FYN: variants seen among roughly 807,000 people sequenced by gnomAD.
FYN encodes FYN proto-oncogene, Src family tyrosine kinase.
Under a neutral mutation model 70.2 loss-of-function variants are expected in FYN, and 10 were observed. That is an observed-to-expected ratio of 0.14 (90% CI 0.09 to 0.24). The LOEUF (loss-of-function observed/expected upper bound fraction) is 0.24. Ranked by LOEUF, FYN falls within the 10% of genes least tolerant of loss-of-function variation. The pLI is 1.00. For synonymous variants in FYN, 236 were observed against 248.6 expected (o/e 0.95, Z 0.48); for missense variants, 319 against 673.1 (o/e 0.47, Z 5.82).
chr6:111,724,902 C>A (rs1036648028), intron 3 of FYN, among the ~76,000 whole-genome samples: 4 of 152,048 alleles, frequency 2.6e-5, no homozygotes, highest in African/African-American at 9.7e-5. Context: ...AACTAAGAAC[C>A]TAGAAACCAA....
intron 2 of FYN, among the ~76,000 whole-genome samples, chr6:111,826,200 T>G (rs1249545968): frequency 6.6e-6 from 1 of 152,048 alleles, no homozygotes; most frequent in African/African-American, 2.4e-5. Context: ...GGTGTTTCAG[T>G]TTTTTCCCTT....
chr6:111,661,720 C>G lies in FYN; in HGVS notation c.*19G>C. 6.2e-7 allele frequency: 1 copy of G among 1,607,110 alleles called. No homozygotes were observed. Among genetic ancestry groups the G allele is most frequent in the Non-Finnish European group, 8.5e-7 (1 of 1,175,456 alleles). Reference sequence around the variant, plus strand: ...TGGGGCAGCCTCTGGGACAAGGCCTCTCTCCGCAGACCCGGGCCTTACAGG... The same window carrying G: ...TGGGGCAGCCTCTGGGACAAGGCCTGTCTCCGCAGACCCGGGCCTTACAGG... On this transcript the variant is annotated 3_prime_UTR_variant, in exon 14 of 14. Coordinates refer to ENST00000354650, the MANE Select transcript of FYN (RefSeq NM_002037.5). The surrounding 1 kb of genome is among the most constrained non-coding windows in gnomAD (Gnocchi z 4.0).
intron 2 of FYN, among the ~76,000 whole-genome samples, chr6:111,817,586 G>A (rs573139963): frequency 3.3e-5 from 5 of 152,256 alleles, no homozygotes; most frequent in African/African-American, 9.6e-5. Context: ...ACCCAGCCTT[G>A]TTAACTTTCT....
At chr6:111,681,054 G>T (rs1385874469) in intron 12 of FYN, among the ~76,000 whole-genome samples, 1 of 145,890 alleles carries the variant, frequency 6.9e-6, no homozygotes, top group Non-Finnish European at 1.5e-5. Flanking sequence ...TTTTGAGACA[G>T]TCTCACTCTG....
chr6:111,665,420 A>C (rs909471171), intron 13 of FYN, among the ~76,000 whole-genome samples: 1 of 151,882 alleles, frequency 6.6e-6, no homozygotes, highest in African/African-American at 2.4e-5. Context: ...TTCTTCTTAG[A>C]TGGTTTCATA....
intron 3 of FYN, 115 bp downstream of exon 3, chr6:111,780,451 C>T (rs1001932991): frequency 2.6e-5 from 4 of 152,530 alleles, no homozygotes; most frequent in African/African-American, 9.7e-5. Context: ...TATAGAACTC[C>T]ATTCTGCCTG....
At position 111,696,286 on chromosome 6, in the gene FYN, T is replaced by C. The variant is rs1326474009; in HGVS notation, c.1033A>G (p.Met345Val). 1 of 1,609,908 alleles carries C rather than the reference T, an allele frequency of 6.2e-7. No individual in the cohort carries two copies. Among genetic ancestry groups the C allele is most frequent in the Non-Finnish European group, 8.5e-7 (1 of 1,178,008 alleles). Residue 345 changes from methionine to valine, a missense_variant, in exon 10 of 14, where the codon ATG (methionine) becomes GTG (valine). Met to Val is a conservative substitution (Grantham distance 21). Transcript: ENST00000354650. Reference sequence around the variant, plus strand: ...AGAGGTGTTGCCCAACCTTTGTTCATATACTCGGTGACGATGTAGATGGGC... The same window carrying C: ...AGAGGTGTTGCCCAACCTTTGTTCACATACTCGGTGACGATGTAGATGGGC... Reference protein sequence around the residue: ...EEPIYIVTEYMNKGSLLDFLK... With the variant: ...EEPIYIVTEYVNKGSLLDFLK...
chr6:111,717,729 G>A (rs1281577201), intron 4 of FYN, among the ~76,000 whole-genome samples: 1 of 152,184 alleles, frequency 6.6e-6, no homozygotes, highest in Non-Finnish European at 1.5e-5. Flanking sequence ...CTTCCAAAGT[G>A]CTGGGATTAC....
intron 2 of FYN, among the ~76,000 whole-genome samples, chr6:111,811,334 A>C (rs1286442620): frequency 6.6e-6 from 1 of 152,228 alleles, no homozygotes; most frequent in Non-Finnish European, 1.5e-5. Flanking sequence ...AGATGCCATA[A>C]TGGGTAGTAG....
Position 111,700,266 on chromosome 6 carries a change from T to G in FYN, c.700A>C (p.Arg234=), listed in dbSNP as rs1009397054. ...AGGCGGCAGCAGAGACCTGCAGCTCTCTCTGATGGAGCAGGGCAGGGGCAG... is the reference window on the plus strand; with the variant it reads ...AGGCGGCAGCAGAGACCTGCAGCTCGCTCTGATGGAGCAGGGCAGGGGCAG... ...LQQLVQHYSE[R]AAGLCCRLVV... The change falls in exon 9 of 14, where the codon AGA becomes CGA. Residue 234 remains arginine, a splice_region_variant and synonymous_variant. Transcript: ENST00000354650. 2 of 1,613,996 alleles carry G rather than the reference T, an allele frequency of 1.2e-6. No individual in the cohort carries two copies. Among genetic ancestry groups the G allele is most frequent in the African/African-American group, 2.7e-5 (2 of 75,018 alleles).
At chr6:111,851,004 AGGTTAGAGAT>A (rs772194696) in intron 1 of FYN, among the ~76,000 whole-genome samples, 1 of 152,154 alleles carries the variant, frequency 6.6e-6, no homozygotes, top group Non-Finnish European at 1.5e-5. Flanking sequence ...CCTTCTCCCA[AGGTTAGAGAT>A]GGCAGCAACT....
chr6:111,786,686 G>A (rs1771401643), intron 2 of FYN, among the ~76,000 whole-genome samples: 1 of 152,178 alleles, frequency 6.6e-6, no homozygotes, highest in Non-Finnish European at 1.5e-5. Flanking sequence ...TACCAACAGT[G>A]TAAAAGTGTT....
chr6:111,669,571 G>A (rs1485553651), intron 13 of FYN, among the ~76,000 whole-genome samples: 3 of 151,994 alleles, frequency 2.0e-5, no homozygotes, highest in African/African-American at 7.2e-5. Flanking sequence ...GTTGGAACAT[G>A]ATGTTTGAAA....
intron 2 of FYN, among the ~76,000 whole-genome samples, chr6:111,843,515 A>G (rs1319039179): frequency 6.6e-6 from 1 of 152,204 alleles, no homozygotes; most frequent in South Asian, 2.1e-4. Context: ...TCCCTTGTGC[A>G]CTACTGCGTC....
At position 111,679,936 on chromosome 6, in the gene FYN, G is replaced by A. The variant is rs1052997746; in HGVS notation, c.1274-5306C>T. 4.0e-4 allele frequency among the ~76,000 whole-genome samples: 61 copies of A among 152,068 alleles called. 1 individual carries two copies. Among genetic ancestry groups the A allele is most frequent in the African/African-American group, 1.5e-3 (61 of 41,474 alleles). On this transcript the variant is annotated intron_variant, in intron 12 of 13. Transcript: ENST00000354650. ...ACAGCAGAAAGACGAGGTGGCAAGG[G>A]GCCTTGGGAGAGTTCACAGTGAAAC...
chr6:111,775,693 C>T (rs886461857), intron 3 of FYN, among the ~76,000 whole-genome samples: 2 of 152,118 alleles, frequency 1.3e-5, no homozygotes, highest in Non-Finnish European at 2.9e-5. Context: ...GCATAAGCAC[C>T]GCCTGGAGAG....
At chr6:111,703,114 G>T in intron 7 of FYN, 80 bp from the exon 8 acceptor site, 1 of 1,348,742 alleles carries the variant, frequency 7.4e-7, no homozygotes, top group South Asian at 1.3e-5. Flanking sequence ...TCTTGACTCT[G>T]ATTAATAATT....
chr6:111,683,093 C>T (rs759083420), intron 12 of FYN, among the ~76,000 whole-genome samples: 3 of 152,218 alleles, frequency 2.0e-5, no homozygotes, highest in African/African-American at 4.8e-5. Context: ...CCCTGTGAGG[C>T]GCTCCTGGGA....
At position 111,697,413 on chromosome 6, in the gene FYN, G is replaced by C. The variant is rs1307888316; in HGVS notation, c.863-957C>G. Among the ~76,000 whole-genome samples, 8 of 152,200 alleles carry C rather than the reference G, an allele frequency of 5.3e-5. No individual in the cohort carries two copies. The East Asian group carries it at 1.3e-3, about 26-fold the overall frequency. ...TTTAGATTATTTTCTATTTGAAAAA[G>C]AAGACTGGTTTAAATTAAGATTTTT... On this transcript the variant is annotated intron_variant, in intron 9 of 13. Transcript: ENST00000354650.
Sources: allele counts gnomAD v4.1 joint callset (sites outside exome capture counted in the v4.1 genomes callset), GRCh38; gene constraint gnomAD v4.1.1; non-coding constraint Gnocchi (gnomAD v3.1); transcripts MANE v1.5; gene names NCBI Gene and HGNC (gene_info 2026-07-23, HGNC 2026-07-21).